The following GNAT1 variants were observed in gnomAD, a reference collection of about 807,000 sequenced individuals.
GNAT1 encodes G protein subunit alpha transducin 1, also known as guanine nucleotide-binding protein G(t) subunit alpha-1.
Under a neutral mutation model 40.0 loss-of-function variants are expected in GNAT1, and 36 were observed. The observed-to-expected ratio is 0.90, with a 90% CI of 0.69 to 1.19. The LOEUF (loss-of-function observed/expected upper bound fraction) is 1.19. GNAT1 is among the 50% of genes most tolerant of loss of function. GNAT1 has a pLI of 0.00. For missense variants in GNAT1, 413 were observed against 480.6 expected (o/e 0.86, Z 1.32); for synonymous variants, 195 against 192.9 (o/e 1.01, Z -0.09).
Position 50,193,657 on chromosome 3 carries a change from C to A in GNAT1, c.443C>A (p.Ala148Glu). ...TCGGAGTACCAGCTCAACGACTCGG[C>A]GGGCTAGTGAGCGCGCGGGCAGCGC... ...RASEYQLNDS[A>E]GYYLSDLERL... The change falls in exon 4 of 9, where the codon GCG (alanine) becomes GAG (glutamate). Residue 148 changes from alanine (A) to glutamate (E), a missense_variant. By Grantham distance (107) the Ala-to-Glu change is moderately radical. Transcript: ENST00000232461. This position sits in a 1 kb window ranked among gnomAD's most constrained non-coding sequence, Gnocchi z 8.1. 3.1e-6 allele frequency: 5 copies of A among 1,611,474 alleles called. No homozygotes were observed. Among genetic ancestry groups the A allele is most frequent in the Non-Finnish European group, 4.2e-6 (5 of 1,179,562 alleles).
rs773042928 is a variant in GNAT1 at position 50,194,982 on chromosome 3, T to C, written c.*1+26T>C. 8 of 1,546,778 alleles carry C rather than the reference T, an allele frequency of 5.2e-6. No homozygotes were observed. The highest frequency in any genetic ancestry group is 7.1e-6 in the Non-Finnish European group (8 of 1,126,698). On this transcript the variant is annotated intron_variant, in intron 8 of 8. Coordinates refer to ENST00000232461, the MANE Select transcript of GNAT1 (RefSeq NM_144499.3). The surrounding 1 kb of genome is among the most constrained non-coding windows in gnomAD (Gnocchi z 6.1). The stretch of plus-strand genomic sequence containing the variant: ...GTAGGTCGCTGCCCTCTCCAGGCTC[T>C]TGCCTCAATACCCCAGCCCCGTCCA...
At chr3:50,195,142 T>A in intron 8 of GNAT1, 126 bp from the exon 9 acceptor site, 1 of 606,954 alleles carries the variant, frequency 1.6e-6, no homozygotes, top group Non-Finnish European at 2.9e-6. Flanking sequence ...TCCCACCCAT[T>A]GAATTTCTTT....
At chr3:50,192,629 G>A in intron 1 of GNAT1, 1 of 215,564 alleles carries the variant, frequency 4.6e-6, no homozygotes, top group East Asian at 1.2e-4. Flanking sequence ...GCCCTCGCAG[G>A]GGCAAGCTCA....
chr3:50,194,341 C>A lies in GNAT1; in HGVS notation c.708+120C>A. On this transcript the variant is annotated intron_variant, in intron 6 of 8. Coordinates refer to ENST00000232461, the MANE Select transcript of GNAT1 (RefSeq NM_144499.3). This position sits in a 1 kb window ranked among gnomAD's most constrained non-coding sequence, Gnocchi z 6.1. The stretch of plus-strand genomic sequence containing the variant: ...GGAGGGGATGCCTGTCCCGGGCGGC[C>A]TGAGGAGGCCCGGAGGCGTTCAGCA... 1 of 1,423,230 alleles carries A rather than the reference C, an allele frequency of 7.0e-7. No individual in the cohort carries two copies. The highest frequency in any genetic ancestry group is 9.6e-7 in the Non-Finnish European group (1 of 1,037,380). 88.2% of individuals were successfully genotyped at this position (1,423,230 alleles called of 1,614,324 possible).
chr3:50,194,022 A>G lies in GNAT1; in HGVS notation c.579-70A>G. On this transcript the variant is annotated intron_variant, in intron 5 of 8. Transcript: ENST00000232461. The surrounding 1 kb of genome is among the most constrained non-coding windows in gnomAD (Gnocchi z 6.1). ...GGTAGTCCCGGCCGAGAGCTCCCCG[A>G]CCAGCACAGGGCGAAGGGATGTTGC... 1 of 1,608,054 alleles carries G rather than the reference A, an allele frequency of 6.2e-7. No individual in the cohort carries two copies. The highest frequency in any genetic ancestry group is 8.5e-7 in the Non-Finnish European group (1 of 1,175,578).
Position 50,193,445 on chromosome 3 carries a change from C to G in GNAT1, c.291+39C>G, listed in dbSNP as rs902341531. 2 of 1,611,480 alleles carry G rather than the reference C, an allele frequency of 1.2e-6. No homozygotes were observed. Among genetic ancestry groups the G allele is most frequent in the African/African-American group, 2.7e-5 (2 of 74,890 alleles). On this transcript the variant is annotated intron_variant, in intron 3 of 8. Transcript: ENST00000232461. This position sits in a 1 kb window ranked among gnomAD's most constrained non-coding sequence, Gnocchi z 8.1. ...CGGGCTGAGCGGGCCTCTGGGGACT[C>G]GAGGCTCGCGGCTGGGCCCGAGTCC...
At chr3:50,195,036 GC>G in intron 8 of GNAT1, 80 bp downstream of exon 8, 1 of 1,045,698 alleles carries the variant, frequency 9.6e-7, no homozygotes, top group South Asian at 1.3e-5. Flanking sequence ...CGGCCCTGGA[GC>G]CTCACCCCCA....
Position 50,194,348 on chromosome 3 carries a change from G to A in GNAT1, c.708+127G>A. On this transcript the variant is annotated intron_variant, in intron 6 of 8. Coordinates refer to ENST00000232461, the MANE Select transcript of GNAT1 (RefSeq NM_144499.3). This position sits in a 1 kb window ranked among gnomAD's most constrained non-coding sequence, Gnocchi z 6.1. Reference sequence around the variant, plus strand: ...ATGCCTGTCCCGGGCGGCCTGAGGAGGCCCGGAGGCGTTCAGCAGGCCCAT... The same window carrying A: ...ATGCCTGTCCCGGGCGGCCTGAGGAAGCCCGGAGGCGTTCAGCAGGCCCAT... 1 of 1,397,490 alleles carries A rather than the reference G, an allele frequency of 7.2e-7. No homozygotes were observed. The highest frequency in any genetic ancestry group is 9.9e-7 in the Non-Finnish European group (1 of 1,013,426). 86.6% of individuals were successfully genotyped at this position (1,397,490 alleles called of 1,614,324 possible). A position where few individuals can be genotyped will look rare whatever the true frequency, so the allele number is the denominator to read the frequency against.
At chr3:50,192,724 T>A (rs550867043) in intron 1 of GNAT1, 4 of 353,568 alleles carry the variant, frequency 1.1e-5, no homozygotes, top group African/African-American at 2.1e-5. Context: ...CCCCTTCAGG[T>A]GAAATGCAAG....
In GNAT1 at chr3:50,191,831, G is replaced by A. The variant is rs1487464362; in HGVS notation, c.106G>A (p.Gly36Ser). 6.2e-7 allele frequency: 1 copy of A among 1,607,066 alleles called. No homozygotes were observed. Among genetic ancestry groups the A allele is most frequent in the African/African-American group, 1.3e-5 (1 of 74,798 alleles). ...DARTVKLLLL[G>S]AGESGKSTIV... The stretch of plus-strand genomic sequence containing the variant: ...TCGAACCGTGAAGCTGCTGCTTCTG[G>A]GTAGGGGTGTGGGCCCAGGTGGGGC... The change falls in exon 1 of 9, where the codon GGT becomes AGT. Residue 36 changes from glycine (G) to serine (S), a missense_variant and splice_region_variant. Transcript: ENST00000232461.
Position 50,191,660 on chromosome 3 carries a change from T to C in GNAT1, c.-66T>C. The C allele has an allele frequency of 8.1e-7, 1 of 1,228,894 alleles. No individual in the cohort carries two copies. Among genetic ancestry groups the C allele is most frequent in the Non-Finnish European group, 1.2e-6 (1 of 829,644 alleles). 76.1% of individuals were successfully genotyped at this position (1,228,894 alleles called of 1,614,324 possible). A position where few individuals can be genotyped will look rare whatever the true frequency, so the allele number is the denominator to read the frequency against. ...CAGAAGGGTGCCTGGGAGGCCAGGTTCTGGGGATCCCCTCCATCCAGAAGA... is the reference window on the plus strand; with the variant it reads ...CAGAAGGGTGCCTGGGAGGCCAGGTCCTGGGGATCCCCTCCATCCAGAAGA... On this transcript the variant is annotated 5_prime_UTR_variant, in exon 1 of 9. Transcript: ENST00000232461.
Position 50,194,320 on chromosome 3 carries a change from GGGAT to G in GNAT1, c.708+101_708+104del. 1.4e-6 allele frequency: 2 copies of G among 1,455,488 alleles called. No homozygotes were observed. Among genetic ancestry groups the G allele is most frequent in the East Asian group, 4.9e-5 (2 of 40,414 alleles). The allele number at this position is 1,455,488 out of a possible 1,614,324, so 90.2% of individuals were successfully genotyped here. ...GCTGGGCTGGGGGAGGGCACGGGAGGGGATGCCTGTCCCGGGCGGCCTGAGGAGG... is the reference window on the plus strand; with the variant it reads ...GCTGGGCTGGGGGAGGGCACGGGAGGGCCTGTCCCGGGCGGCCTGAGGAGG... On this transcript the variant is annotated intron_variant, in intron 6 of 8. Transcript: ENST00000232461. The surrounding 1 kb of genome is among the most constrained non-coding windows in gnomAD (Gnocchi z 6.1).
chr3:50,195,098 C>G, intron 8 of GNAT1, 142 bp downstream of exon 8: 1 of 684,922 alleles, frequency 1.5e-6, no homozygotes, highest in South Asian at 1.5e-5. Context: ...TCAGGCTCCA[C>G]CCCACCGACA....
Position 50,195,280 on chromosome 3 carries a change from A to C in GNAT1, c.*14A>C. On this transcript the variant is annotated 3_prime_UTR_variant, in exon 9 of 9. Transcript: ENST00000232461. ...TTCCTTTTCACAGGTGCCTGAATTC[A>C]TGCGTGTCAGTCACCCTGAGACCTG... 2.4e-6 allele frequency: 1 copy of C among 419,108 alleles called. No individual in the cohort carries two copies. The highest frequency in any genetic ancestry group is 4.5e-6 in the Non-Finnish European group (1 of 222,630). 26.0% of individuals were successfully genotyped at this position (419,108 alleles called of 1,614,324 possible). A position where few individuals can be genotyped will look rare whatever the true frequency, so the allele number is the denominator to read the frequency against.
At position 50,195,397 on chromosome 3, in the gene GNAT1, G is replaced by C; in HGVS notation, c.*131G>C. The C allele has an allele frequency of 3.8e-6, 1 of 266,022 alleles. No individual in the cohort carries two copies. Among genetic ancestry groups the C allele is most frequent in the Non-Finnish European group, 7.4e-6 (1 of 134,872 alleles). 16.5% of individuals were successfully genotyped at this position (266,022 alleles called of 1,614,324 possible). On this transcript the variant is annotated 3_prime_UTR_variant, in exon 9 of 9. Transcript: ENST00000232461. ...CAACCTGCCACCTCACCAAAGCTCT[G>C]AGCCCTGCTAGCCTTGAGGCGCGGA...
rs1559746056 is a variant in GNAT1, at chr3:50,193,173, GAAGT to G, written c.148_149+2del. ...GGAAGAGCACCATCGTCAAGCAGAT[GAAGT>G]GAGTGCCCCTGCCTGTCCCGAGGCC... On this transcript the variant is annotated splice_donor_variant and coding_sequence_variant, in exon 2 of 9. Coordinates refer to ENST00000232461, the MANE Select transcript of GNAT1 (RefSeq NM_144499.3). LOFTEE classifies it high-confidence loss of function. This position sits in a 1 kb window ranked among gnomAD's most constrained non-coding sequence, Gnocchi z 8.1. The G allele has an allele frequency of 6.2e-7, 1 of 1,614,062 alleles. No homozygotes were observed.
At position 50,194,221 on chromosome 3, in the gene GNAT1, G is replaced by GGT; in HGVS notation, c.708+2_708+3dup. On this transcript the variant is annotated frameshift_variant and splice_region_variant. Transcript: ENST00000232461. LOFTEE classifies it high-confidence loss of function. This position sits in a 1 kb window ranked among gnomAD's most constrained non-coding sequence, Gnocchi z 6.1. ...TGGTGCTAGTGGAGGACGACGAAGT[G>GGT]GTGCGTGCCAGGCAGGGCCTGTGTT... 1 of 1,605,946 alleles carries GGT rather than the reference G, an allele frequency of 6.2e-7. No homozygotes were observed. The highest frequency in any genetic ancestry group is 8.5e-7 in the Non-Finnish European group (1 of 1,176,240).
chr3:50,191,932 T>C, intron 1 of GNAT1, 101 bp downstream of exon 1: 1 of 796,854 alleles, frequency 1.3e-6, no homozygotes, highest in Non-Finnish European at 2.1e-6. Context: ...GGAAGCAGTA[T>C]GAGCCTGTGA....
chr3:50,193,698 G>T lies in GNAT1; in HGVS notation c.449+35G>T. 6.2e-7 allele frequency: 1 copy of T among 1,600,152 alleles called. No individual in the cohort carries two copies. Among genetic ancestry groups the T allele is most frequent in the Non-Finnish European group, 8.5e-7 (1 of 1,173,912 alleles). ...CGGGCAGCGCGGGGCGCGGGGCGCG[G>T]GGCGCAGGGGGCCCTCCACGCCTCC... On this transcript the variant is annotated intron_variant, in intron 4 of 8. Coordinates refer to ENST00000232461, the MANE Select transcript of GNAT1 (RefSeq NM_144499.3). The surrounding 1 kb of genome is among the most constrained non-coding windows in gnomAD (Gnocchi z 8.1).
Sources: gnomAD v4.1 joint callset for allele counts on GRCh38, gnomAD v4.1.1 for gene constraint, Gnocchi (gnomAD v3.1) non-coding constraint, MANE v1.5 for transcripts, NCBI Gene and HGNC (gene_info 2026-07-23, HGNC 2026-07-21) for gene names.